Variants in SYTL5 observed in about 807,000 individuals in gnomAD.
The protein encoded by SYTL5 is synaptotagmin-like protein 5.
In SYTL5, 34 loss-of-function variants were observed where a neutral mutation model predicts 55.9. That is an observed-to-expected ratio of 0.61 (90% CI 0.46 to 0.81). SYTL5 has a LOEUF of 0.81. Ranked by LOEUF, SYTL5 falls within the 30% of genes least tolerant of loss-of-function variation. The pLI is 0.00. For missense variants in SYTL5, 637 were observed against 546.7 expected (o/e 1.17, Z -1.65); for synonymous variants, 221 against 188.7 (o/e 1.17, Z -1.40).
chrX:37,924,535 A>G, the SYTL5 span, among the ~76,000 whole-genome samples: 24 of 111,634 alleles, frequency 2.1e-4, no homozygotes, highest in Non-Finnish European at 4.1e-4. Flanking sequence ...TAGAAGAAGT[A>G]AGAAGTTACA....
At chrX:38,003,753 A>G (rs2147270573), upstream of SYTL5, among the ~76,000 whole-genome samples, 1 of 112,240 alleles carries the variant, frequency 8.9e-6, no homozygotes, top group Admixed American at 9.4e-5. Flanking sequence ...GAGTTTTTAA[A>G]GGAACCTTCA....
chrX:37,972,924 T>C, the SYTL5 span, among the ~76,000 whole-genome samples: 2 of 111,831 alleles, frequency 1.8e-5, no homozygotes, highest in African/African-American at 6.5e-5. Flanking sequence ...CCAAGTTTTA[T>C]TGTGCAGAGG....
intron 1 of SYTL5, among the ~76,000 whole-genome samples, chrX:38,013,935 C>G (rs1014392629): frequency 1.3e-4 from 14 of 111,287 alleles, no homozygotes. Flanking sequence ...TTAGCTCCCC[C>G]ATTCCTGCTC....
intron 3 of SYTL5, among the ~76,000 whole-genome samples, chrX:38,064,457 A>G (rs1471322889): frequency 9.0e-6 from 1 of 111,202 alleles, no homozygotes; most frequent in Non-Finnish European, 1.9e-5. Flanking sequence ...AGCTTTTCAT[A>G]TATTTATTAG....
At position 38,094,275 on chromosome X, in the gene SYTL5, C is replaced by T. The variant is rs1207165742; in HGVS notation, c.832-20C>T. 1 of 1,177,830 alleles carries T rather than the reference C, an allele frequency of 8.5e-7. No homozygotes were observed. The highest frequency in any genetic ancestry group is 2.2e-5 in the Admixed American group (1 of 44,540). ...ATTACAGTCAGTATAATTTTTTTCT[C>T]ATTTTTACTTTGTGGGAAGGAGTAT... is the stretch of plus-strand genomic sequence containing the variant. On this transcript the variant is annotated intron_variant, in intron 7 of 16. Transcript: ENST00000297875.
At chrX:38,125,199 C>T (rs1471666170) in intron 15 of SYTL5, 99 bp from the exon 16 acceptor site, 1 of 691,375 alleles carries the variant, frequency 1.4e-6, no homozygotes, top group African/African-American at 2.2e-5. Context: ...CATATAGAAG[C>T]CTGGGAAGGA....
intron 1 of SYTL5, among the ~76,000 whole-genome samples, chrX:38,014,087 C>G (rs767789566): frequency 4.4e-5 from 5 of 112,436 alleles, no homozygotes; most frequent in African/African-American, 1.6e-4. Flanking sequence ...CCTCTCTACA[C>G]TGTCATAATA....
intron 3 of SYTL5, among the ~76,000 whole-genome samples, chrX:38,064,535 G>C (rs951421483): frequency 1.8e-5 from 2 of 110,845 alleles, no homozygotes; most frequent in African/African-American, 6.5e-5. Context: ...TTAGGTGCTG[G>C]TCTTTTCCTT....
At chrX:37,966,507 G>A in the SYTL5 span, among the ~76,000 whole-genome samples, 3 of 96,561 alleles carry the variant, frequency 3.1e-5, no homozygotes, top group Non-Finnish European at 4.0e-5. Flanking sequence ...GCACGATCTC[G>A]GCTCACTGCA....
At chrX:38,078,483 A>G (rs1936445514) in intron 6 of SYTL5, among the ~76,000 whole-genome samples, 1 of 109,959 alleles carries the variant, frequency 9.1e-6, no homozygotes, top group Non-Finnish European at 1.9e-5. Context: ...GACAGTCTTG[A>G]TCTCCTGACC....
At chrX:37,907,512 A>G in the SYTL5 span, among the ~76,000 whole-genome samples, 1 of 112,351 alleles carries the variant, frequency 8.9e-6, no homozygotes, top group East Asian at 2.8e-4. Flanking sequence ...CTCTGATAAC[A>G]TAACTCCTCT....
chrX:38,092,880 GGTATGTATT>G (rs1387086086), intron 7 of SYTL5, among the ~76,000 whole-genome samples: 1 of 111,487 alleles, frequency 9.0e-6, no homozygotes, highest in African/African-American at 3.3e-5. Context: ...GAACCTCCAG[GGTATGTATT>G]GCTTGTTAAT....
intron 13 of SYTL5, among the ~76,000 whole-genome samples, chrX:38,116,538 A>G (rs1937492095): frequency 8.9e-6 from 1 of 112,632 alleles, no homozygotes; most frequent in African/African-American, 3.2e-5. Context: ...CAAATGAAAC[A>G]AGAACATAAG....
intron 16 of SYTL5, 30 bp downstream of exon 16, chrX:38,125,536 T>G (rs1271850883): frequency 8.8e-7 from 1 of 1,141,090 alleles, no homozygotes; most frequent in African/African-American, 1.8e-5. Context: ...ACAGGGATGG[T>G]CTGTGACTAG....
the SYTL5 span, among the ~76,000 whole-genome samples, chrX:37,938,748 C>T: frequency 1.8e-5 from 2 of 111,406 alleles, no homozygotes; most frequent in Admixed American, 1.9e-4. Flanking sequence ...TGAGCACAAC[C>T]CTCACTTGAG....
intron 12 of SYTL5, among the ~76,000 whole-genome samples, chrX:38,109,299 G>A (rs1317814630): frequency 9.0e-6 from 1 of 111,617 alleles, no homozygotes; most frequent in Non-Finnish European, 1.9e-5. Flanking sequence ...CCCTTCTCTT[G>A]CTATGGAACA....
intron 1 of SYTL5, among the ~76,000 whole-genome samples, chrX:38,009,732 G>A (rs1934114219): frequency 9.0e-6 from 1 of 110,935 alleles, no homozygotes; most frequent in Non-Finnish European, 1.9e-5. Context: ...CTTTTTCTAA[G>A]CCCCAGAATC....
At chrX:38,076,865 C>T (rs763856748) in intron 6 of SYTL5, among the ~76,000 whole-genome samples, 164 bp downstream of exon 6, 2 of 111,793 alleles carry the variant, frequency 1.8e-5, no homozygotes, top group Non-Finnish European at 3.8e-5. Flanking sequence ...ATGGAAAGCA[C>T]GTACCCTACT....
chrX:37,992,090 A>T, the SYTL5 span, among the ~76,000 whole-genome samples: 6 of 112,941 alleles, frequency 5.3e-5, no homozygotes, highest in Non-Finnish European at 9.4e-5. Flanking sequence ...TTTTAAATTG[A>T]ATACTTATTC....
Sources: gnomAD v4.1 joint callset for allele counts (sites outside exome capture counted in the v4.1 genomes callset) on GRCh38, gnomAD v4.1.1 for gene constraint, MANE v1.5 for transcripts, NCBI Gene and HGNC (gene_info 2026-07-23, HGNC 2026-07-21) for gene names.